The following ADAMTSL1 variants were observed in gnomAD, a reference collection of about 807,000 sequenced individuals.
ADAMTSL1 encodes ADAMTS like 1.
In ADAMTSL1, 126 loss-of-function variants were observed where a neutral mutation model predicts 201.8. The ratio of observed to expected loss-of-function variants is 0.62; its 90% CI spans 0.54 to 0.72. The LOEUF (loss-of-function observed/expected upper bound fraction) is 0.72, where lower values mean the gene tolerates loss of function less well. Among genes scored for constraint, ADAMTSL1 ranks in the 30% least tolerant of loss-of-function variants. ADAMTSL1 has a pLI of 0.00. For synonymous variants in ADAMTSL1, 1,121 were observed against 903.4 expected (o/e 1.24, Z -4.32); for missense variants, 2,679 against 2,277.8 (o/e 1.18, Z -3.59).
chr9:17,939,215 C>G (rs1048226209), intron 1 of ADAMTSL1, among the ~76,000 whole-genome samples: 8 of 152,038 alleles, frequency 5.3e-5, no homozygotes, highest in Non-Finnish European at 8.8e-5. Context: ...TTACTTGGTC[C>G]CTTACCTTTC....
intron 16 of ADAMTSL1, among the ~76,000 whole-genome samples, chr9:18,760,574 C>G (rs1253375641): frequency 6.6e-6 from 1 of 152,196 alleles, no homozygotes; most frequent in East Asian, 1.9e-4. Context: ...ACTTACTGGC[C>G]TATGCTGCCT....
intron 2 of ADAMTSL1, among the ~76,000 whole-genome samples, chr9:18,375,223 G>T (rs187288693): frequency 6.6e-6 from 1 of 152,204 alleles, no homozygotes; most frequent in East Asian, 1.9e-4. Context: ...GCCCTTACTG[G>T]TTCATTTATT....
intron 2 of ADAMTSL1, among the ~76,000 whole-genome samples, chr9:18,385,685 C>T (rs1192818359): frequency 6.6e-6 from 1 of 152,164 alleles, no homozygotes; most frequent in Non-Finnish European, 1.5e-5. Flanking sequence ...GAACGGTTAT[C>T]CACCTTTAAA....
chr9:18,693,646 A>G (rs1831372343), intron 13 of ADAMTSL1, among the ~76,000 whole-genome samples: 1 of 152,242 alleles, frequency 6.6e-6, no homozygotes, highest in African/African-American at 2.4e-5. Context: ...TACCAAGTCA[A>G]TCATAATATT....
At chr9:18,178,737 T>G (rs1828301101) in intron 2 of ADAMTSL1, among the ~76,000 whole-genome samples, 1 of 152,014 alleles carries the variant, frequency 6.6e-6, no homozygotes, top group Non-Finnish European at 1.5e-5. Flanking sequence ...CCGAGCAGCC[T>G]AACTGGGAGG....
At chr9:18,723,009 T>C (rs772361008) in intron 15 of ADAMTSL1, 1 of 779,336 alleles carries the variant, frequency 1.3e-6, no homozygotes, top group Non-Finnish European at 2.4e-6. Flanking sequence ...AGTCCTGTCA[T>C]CTAGGAAGAA....
At chr9:18,229,849 AC>A (rs972660893) in intron 2 of ADAMTSL1, among the ~76,000 whole-genome samples, 1 of 151,842 alleles carries the variant, frequency 6.6e-6, no homozygotes, top group Non-Finnish European at 1.5e-5. Flanking sequence ...GTGTCCACCA[AC>A]ATGCCCGGCT....
At chr9:17,991,953 G>A (rs1819170524) in intron 1 of ADAMTSL1, among the ~76,000 whole-genome samples, 1 of 152,034 alleles carries the variant, frequency 6.6e-6, no homozygotes, top group Non-Finnish European at 1.5e-5. Flanking sequence ...CTCCCCATTG[G>A]GATGGAGATC....
At chr9:18,272,855 C>T (rs957025183) in intron 2 of ADAMTSL1, among the ~76,000 whole-genome samples, 1 of 152,132 alleles carries the variant, frequency 6.6e-6, no homozygotes, top group Non-Finnish European at 1.5e-5. Flanking sequence ...TTTCTTTGAG[C>T]TCATAGCAGT....
chr9:18,828,691 TATAA>T lies in ADAMTSL1; in HGVS notation c.4115-1150_4115-1147del, dbSNP rs1364047099. Among the ~76,000 whole-genome samples, 122 of 109,744 alleles carry T rather than the reference TATAA, an allele frequency of 1.1e-3. 10 individuals carry two copies. Among genetic ancestry groups the T allele is most frequent in the South Asian group, 8.1e-3 (31 of 3,816 alleles). 72.0% of individuals were successfully genotyped at this position (109,744 alleles called of 152,430 possible). A position where few individuals can be genotyped will look rare whatever the true frequency, so the allele number is the denominator to read the frequency against. On this transcript the variant is annotated intron_variant, in intron 22 of 28. Coordinates refer to ENST00000380548, the MANE Select transcript of ADAMTSL1 (RefSeq NM_001040272.6). ...ATATATATATATATATATATATATATATAAAATGTGTGTGTGTGTATATATATAT... is the reference window on the plus strand; with the variant it reads ...ATATATATATATATATATATATATATAATGTGTGTGTGTGTATATATATAT...
chr9:18,320,841 A>T (rs565969960), intron 2 of ADAMTSL1, among the ~76,000 whole-genome samples: 7 of 152,292 alleles, frequency 4.6e-5, no homozygotes, highest in African/African-American at 1.2e-4. Context: ...TTGCAAAAAG[A>T]TACAGTTAAG....
intron 15 of ADAMTSL1, among the ~76,000 whole-genome samples, chr9:18,738,686 C>T (rs905170600): frequency 1.3e-5 from 2 of 152,260 alleles, no homozygotes; most frequent in East Asian, 3.9e-4. Flanking sequence ...AGAAAATTCT[C>T]TGTGGCCTAC....
intron 2 of ADAMTSL1, among the ~76,000 whole-genome samples, chr9:18,205,609 G>C (rs138481205): frequency 1.3e-3 from 194 of 152,162 alleles, no homozygotes; most frequent in African/African-American, 4.3e-3. Context: ...AAGCAAGCTA[G>C]GTCTCTCTGG....
intron 13 of ADAMTSL1, among the ~76,000 whole-genome samples, chr9:18,696,812 A>G (rs977580863): frequency 2.0e-5 from 3 of 151,780 alleles, no homozygotes; most frequent in Admixed American, 6.6e-5. Flanking sequence ...TATAATTTTC[A>G]AAAGGGTACA....
At chr9:18,712,475 G>C (rs953941697) in intron 14 of ADAMTSL1, among the ~76,000 whole-genome samples, 2 of 151,942 alleles carry the variant, frequency 1.3e-5, no homozygotes, top group Admixed American at 6.6e-5. Context: ...GAGCCGATGC[G>C]ATCAACTGGA....
intron 1 of ADAMTSL1, among the ~76,000 whole-genome samples, chr9:18,009,357 C>T (rs978043185): frequency 1.3e-5 from 2 of 152,006 alleles, no homozygotes; most frequent in East Asian, 1.9e-4. Context: ...CTTGTACTCA[C>T]TTCTAATAGA....
Position 18,229,262 on chromosome 9 carries a change from G to A in ADAMTSL1, c.207+65281G>A, listed in dbSNP as rs572924258. ...GGTCACTATTTAAGGCAAAAGAACA[G>A]TATCATGTCAGGATGGAGAATCCAA... On this transcript the variant is annotated intron_variant, in intron 2 of 29. Coordinates refer to the ADAMTSL1 transcript ENST00000680146. Among the ~76,000 whole-genome samples the A allele has an allele frequency of 1.1e-4, 16 of 152,238 alleles. No homozygotes were observed. In the South Asian group the frequency reaches 2.1e-3, roughly 20 times the overall value.
chr9:18,511,050 A>G (rs1030885920), intron 2 of ADAMTSL1, among the ~76,000 whole-genome samples: 1 of 152,156 alleles, frequency 6.6e-6, no homozygotes. Flanking sequence ...AATGTGTAAC[A>G]TTATCTGTCT....
rs1002433048 is a variant in ADAMTSL1 at position 18,777,049 on chromosome 9, G to C, written c.2820G>C (p.Ser940=). The stretch of plus-strand genomic sequence containing the variant: ...TCAAGATCCACCGCCTCAAGCCCTC[G>C]GATGCAGGCGTCTACACCTGCTCAG... The part of the protein sequence containing the change: ...GYLKIHRLKP[S]DAGVYTCSAG... The change falls in exon 19 of 29, where the codon TCG becomes TCC. Residue 940 remains serine, a synonymous_variant. Coordinates refer to ENST00000380548, the MANE Select transcript of ADAMTSL1 (RefSeq NM_001040272.6). The C allele has an allele frequency of 6.2e-7, 1 of 1,612,334 alleles. No individual in the cohort carries two copies.
Sources: gnomAD v4.1 joint callset for allele counts (sites outside exome capture counted in the v4.1 genomes callset) on GRCh38, gnomAD v4.1.1 for gene constraint, MANE v1.5 for transcripts, NCBI Gene and HGNC (gene_info 2026-07-23, HGNC 2026-07-21) for gene names.